The following AFF3 variants were observed in gnomAD, a reference collection of about 807,000 sequenced individuals.
The protein encoded by AFF3 is AF4/FMR2 family member 3.
AFF3 carries 32 observed loss-of-function variants against 129.7 expected under a neutral mutation model. The ratio of observed to expected loss-of-function variants is 0.25; its 90% CI spans 0.19 to 0.33. The LOEUF (loss-of-function observed/expected upper bound fraction) is 0.33. Ranked by LOEUF, AFF3 falls within the 10% of genes least tolerant of loss-of-function variation. The probability of loss-of-function intolerance (pLI) is 1.00; values close to 1 mark genes in which losing one functional copy is unlikely to be tolerated. For synonymous variants in AFF3, 644 were observed against 635.4 expected (o/e 1.01, Z -0.20); for missense variants, 1,373 against 1,592.0 (o/e 0.86, Z 2.34).
At chr2:100,078,631 A>C (rs1688789162) in intron 4 of AFF3, among the ~76,000 whole-genome samples, 1 of 152,194 alleles carries the variant, frequency 6.6e-6, no homozygotes, top group Admixed American at 6.5e-5. Flanking sequence ...GAACTGAGTT[A>C]AATGGACTTG....
At chr2:99,947,275 T>C (rs530362422) in intron 7 of AFF3, among the ~76,000 whole-genome samples, 1 of 152,182 alleles carries the variant, frequency 6.6e-6, no homozygotes, top group South Asian at 2.1e-4. Flanking sequence ...ACCCCGTCTC[T>C]ACTAAAAATA....
chr2:99,577,296 G>C (rs999857078), intron 18 of AFF3, among the ~76,000 whole-genome samples: 1 of 152,144 alleles, frequency 6.6e-6, no homozygotes, highest in East Asian at 1.9e-4. Flanking sequence ...ATGGAGGAGC[G>C]GGGCGGACGA....
chr2:99,848,240 ACT>A (rs1689877582), intron 7 of AFF3, among the ~76,000 whole-genome samples: 1 of 143,112 alleles, frequency 7.0e-6, no homozygotes, highest in South Asian at 2.5e-4. Flanking sequence ...ACAGAGCCAG[ACT>A]CTGCCTCAAA....
chr2:99,685,043 A>G (rs1674919119), intron 11 of AFF3, among the ~76,000 whole-genome samples: 2 of 150,532 alleles, frequency 1.3e-5, no homozygotes, highest in South Asian at 4.2e-4. Flanking sequence ...TGTTCAAGTG[A>G]CTCTCGTGCT....
chr2:99,595,214 A>G (rs1231941498), intron 14 of AFF3, among the ~76,000 whole-genome samples: 1 of 152,260 alleles, frequency 6.6e-6, no homozygotes, highest in Non-Finnish European at 1.5e-5. Context: ...TTTCACAGGG[A>G]GTAAATGCTG....
intron 2 of AFF3, chr2:100,107,012 T>C (rs1573445801): frequency 3.0e-6 from 3 of 985,332 alleles, no homozygotes; most frequent in Non-Finnish European, 3.6e-6. Flanking sequence ...TATGAGAGTG[T>C]GTGCACCTAA....
At chr2:99,890,876 G>A (rs1362856113) in intron 7 of AFF3, among the ~76,000 whole-genome samples, 1 of 152,102 alleles carries the variant, frequency 6.6e-6, no homozygotes, top group Non-Finnish European at 1.5e-5. Context: ...TCCCCAGGCT[G>A]GTGTCTTCTG....
At chr2:99,677,284 A>AAT (rs59837876) in intron 11 of AFF3, among the ~76,000 whole-genome samples, 1 of 150,130 alleles carries the variant, frequency 6.7e-6, no homozygotes, top group Non-Finnish European at 1.5e-5. Context: ...AAAAAAAAAA[A>AAT]TTGAACTTTT....
chr2:100,140,892 T>C, intron 1 of AFF3, among the ~76,000 whole-genome samples: 1 of 152,000 alleles, frequency 6.6e-6, no homozygotes, highest in South Asian at 2.1e-4. Context: ...CCAAACCCAT[T>C]TTACACACAC....
chr2:99,754,181 T>C lies in AFF3; in HGVS notation c.922-1880A>G, dbSNP rs148128761. ...TCCATTTTCATTACTGGAGAGGATA[T>C]GTGATTTTGCTATAAGTGGCTTCAA... On this transcript the variant is annotated intron_variant, in intron 8 of 24. Transcript: ENST00000672756. Among the ~76,000 whole-genome samples, 418 of 152,338 alleles carry C rather than the reference T, an allele frequency of 2.7e-3. 4 individuals are homozygous for C. The highest frequency in any genetic ancestry group is 3.9e-3 in the Non-Finnish European group (263 of 68,028).
intron 12 of AFF3, among the ~76,000 whole-genome samples, chr2:99,672,008 C>T (rs1687182816): frequency 6.6e-6 from 1 of 152,134 alleles, no homozygotes; most frequent in Non-Finnish European, 1.5e-5. Flanking sequence ...ACAGCCTATA[C>T]TGAGCATAAT....
Position 99,707,499 on chromosome 2 carries a change from G to A in AFF3, c.1091+19578C>T, listed in dbSNP as rs572045852. The A allele has an allele frequency of 1.7e-5, 17 of 985,166 alleles. No individual in the cohort carries two copies. In the South Asian group the frequency reaches 3.8e-4, roughly 22 times the overall value. 61.0% of individuals were successfully genotyped at this position (985,166 alleles called of 1,614,324 possible). ...AGGTTATCCACGAAGTTTCAAACGCGTCTTAGTAACATAAACTGAAGTTAG... is the reference window on the plus strand; with the variant it reads ...AGGTTATCCACGAAGTTTCAAACGCATCTTAGTAACATAAACTGAAGTTAG... On this transcript the variant is annotated intron_variant, in intron 11 of 24. Coordinates refer to ENST00000672756, the MANE Select transcript of AFF3 (RefSeq NM_001386135.1).
At chr2:99,874,282 C>T (rs755426165) in intron 7 of AFF3, among the ~76,000 whole-genome samples, 12 of 152,120 alleles carry the variant, frequency 7.9e-5, no homozygotes, top group Non-Finnish European at 1.3e-4. Flanking sequence ...TAGGGGCTGT[C>T]GCTCAAAAAC....
At chr2:99,731,368 T>TA (rs1317839346) in intron 10 of AFF3, among the ~76,000 whole-genome samples, 1 of 152,220 alleles carries the variant, frequency 6.6e-6, no homozygotes, top group Non-Finnish European at 1.5e-5. Context: ...TAATTTTTAT[T>TA]AGTTCTGTTA....
At chr2:99,622,183 G>T (rs145031332) in intron 13 of AFF3, among the ~76,000 whole-genome samples, 281 of 152,324 alleles carry the variant, frequency 1.8e-3, no homozygotes, top group African/African-American at 6.3e-3. Context: ...GAGGGAAAAT[G>T]AGTCGAGGGT....
chr2:99,580,068 G>A (rs1252096463), intron 17 of AFF3, among the ~76,000 whole-genome samples: 1 of 152,080 alleles, frequency 6.6e-6, no homozygotes, highest in East Asian at 1.9e-4. Flanking sequence ...TTGGTAAAAG[G>A]AGCGATCCCA....
chr2:99,663,310 T>C (rs1686404290), intron 12 of AFF3, among the ~76,000 whole-genome samples: 1 of 152,232 alleles, frequency 6.6e-6, no homozygotes. Context: ...ATGTTTCTTG[T>C]GCTGCTCCAT....
At chr2:99,625,763 T>C (rs1682481802) in intron 13 of AFF3, among the ~76,000 whole-genome samples, 1 of 152,222 alleles carries the variant, frequency 6.6e-6, no homozygotes, top group African/African-American at 2.4e-5. Context: ...AAGATAAAAG[T>C]AAAGCACTGA....
At chr2:99,863,710 A>G (rs981910141) in intron 7 of AFF3, among the ~76,000 whole-genome samples, 1 of 152,216 alleles carries the variant, frequency 6.6e-6, no homozygotes, top group African/African-American at 2.4e-5. Flanking sequence ...TATTGGGCTA[A>G]GTGCGGCAAG....
Sources: allele counts gnomAD v4.1 joint callset (sites outside exome capture counted in the v4.1 genomes callset), GRCh38; gene constraint gnomAD v4.1.1; transcripts MANE v1.5; gene names NCBI Gene and HGNC (gene_info 2026-07-23, HGNC 2026-07-21).